NDUFAF4: variants seen among roughly 807,000 people sequenced by gnomAD.
The protein encoded by NDUFAF4 is NADH dehydrogenase [ubiquinone] 1 alpha subcomplex assembly factor 4.
NDUFAF4 carries 10 observed loss-of-function variants against 15.6 expected under a neutral mutation model. The ratio of observed to expected loss-of-function variants is 0.64; its 90% confidence interval spans 0.40 to 1.09. NDUFAF4 has a LOEUF of 1.09. Ranked by LOEUF, NDUFAF4 falls within the 50% of genes least tolerant of loss-of-function variation. The pLI is 0.01. For synonymous variants in NDUFAF4, 77 were observed against 73.3 expected (o/e 1.05, Z -0.26); for missense variants, 203 against 207.3 (o/e 0.98, Z 0.13).
intron 1 of NDUFAF4, among the ~76,000 whole-genome samples, chr6:96,897,339 C>T (rs1359446318): frequency 6.6e-6 from 1 of 152,190 alleles, no homozygotes; most frequent in Non-Finnish European, 1.5e-5. Context: ...CAGTGAAGAC[C>T]CCTAGAGAAA....
intron 2 of NDUFAF4, among the ~76,000 whole-genome samples, 169 bp downstream of exon 2, chr6:96,896,575 T>G (rs894015017): frequency 2.6e-5 from 4 of 152,238 alleles, no homozygotes; most frequent in Non-Finnish European, 4.4e-5. Flanking sequence ...AACCAAGGCA[T>G]AAGTGTCTTG....
chr6:96,897,838 C>G lies in NDUFAF4; in HGVS notation c.-37G>C, dbSNP rs1444662916. 6.2e-7 allele frequency: 1 copy of G among 1,613,422 alleles called. No individual in the cohort carries two copies. The highest frequency in any genetic ancestry group is 1.1e-5 in the South Asian group (1 of 91,048). ...ATTATGCGCTCAGGTTCAGGCCGCA[C>G]GTGGGAACACCGGCGCAGGACAACT... is the stretch of plus-strand genomic sequence containing the variant. On this transcript the variant is annotated 5_prime_UTR_variant, in exon 1 of 3. Transcript: ENST00000316149.
Position 96,896,815 on chromosome 6 carries a change from T to C in NDUFAF4, c.169A>G (p.Lys57Glu), listed in dbSNP as rs1283642832. 1.2e-6 allele frequency: 2 copies of C among 1,613,934 alleles called. No individual in the cohort carries two copies. The highest frequency in any genetic ancestry group is 2.2e-5 in the East Asian group (1 of 44,880). The change falls in exon 2 of 3, where the codon AAA becomes GAA. Residue 57 changes from lysine to glutamate, a missense_variant. Lys to Glu is a moderately conservative substitution (Grantham distance 56). Coordinates refer to ENST00000316149, the MANE Select transcript of NDUFAF4 (RefSeq NM_014165.4). ...YPEVKGEIAR[K>E]DEKLLSFLKD... ...AGAAACGACAGCAGCTTTTCATCTT[T>C]ACGAGCAATCTCTCCTTTAACTTCT...
intron 1 of NDUFAF4, 107 bp downstream of exon 1, chr6:96,897,559 C>T: frequency 1.3e-6 from 2 of 1,500,034 alleles, no homozygotes; most frequent in Non-Finnish European, 1.8e-6. Flanking sequence ...CGGCTGCGGC[C>T]GAGCAGGCTG....
In NDUFAF4 at chr6:96,891,199, C is replaced by G; in HGVS notation, c.433G>C (p.Glu145Gln). Residue 145 changes from glutamate to glutamine, a missense_variant, in exon 3 of 3, where the codon GAA becomes CAA. By Grantham distance (29) the Glu-to-Gln change is conservative. Transcript: ENST00000316149. Reference sequence around the variant, plus strand: ...AGAAGAGAATTCACATCTTTCTGTTCTAACTGGTATTCCTGCATTATTTTC... The same window carrying G: ...AGAAGAGAATTCACATCTTTCTGTTGTAACTGGTATTCCTGCATTATTTTC... ...AEKIMQEYQL[E>Q]QKDVNSLLKY... is the part of the protein sequence containing the mutation. The G allele has an allele frequency of 6.2e-7, 1 of 1,613,004 alleles. No individual in the cohort carries two copies. The highest frequency in any genetic ancestry group is 8.5e-7 in the Non-Finnish European group (1 of 1,179,220).
rs764771728 is a variant in NDUFAF4, at chr6:96,897,815, T to C, written c.-14A>G. 4 of 1,613,928 alleles carry C rather than the reference T, an allele frequency of 2.5e-6. No homozygotes were observed. Among genetic ancestry groups the C allele is most frequent in the East Asian group, 4.5e-5 (2 of 44,836 alleles). On this transcript the variant is annotated 5_prime_UTR_variant, in exon 1 of 3. It adds an upstream start codon to the 5' untranslated region. Transcript: ENST00000316149. ...TAGTGCTCCCATCTCCTCATAACATTATGCGCTCAGGTTCAGGCCGCACGT... is the reference window on the plus strand; with the variant it reads ...TAGTGCTCCCATCTCCTCATAACATCATGCGCTCAGGTTCAGGCCGCACGT...
intron 2 of NDUFAF4, among the ~76,000 whole-genome samples, chr6:96,892,772 C>G: frequency 6.6e-6 from 1 of 152,012 alleles, no homozygotes; most frequent in Non-Finnish European, 1.5e-5. Context: ...TTTTGCTTAC[C>G]CTTAAATGTC....
In NDUFAF4 at chr6:96,896,867, C is replaced by A. The variant is rs1775382702; in HGVS notation, c.137-20G>T. The A allele has an allele frequency of 6.4e-7, 1 of 1,560,604 alleles. No individual in the cohort carries two copies. The stretch of plus-strand genomic sequence containing the variant: ...GATAGACTAAGGAAAGGAAAAAAGT[C>A]ACAATATTAAAATCAAGGAAAATTT... On this transcript the variant is annotated intron_variant, in intron 1 of 2. Coordinates refer to ENST00000316149, the MANE Select transcript of NDUFAF4 (RefSeq NM_014165.4).
intron 1 of NDUFAF4, 142 bp downstream of exon 1, chr6:96,897,524 C>G (rs1031626953): frequency 3.2e-6 from 4 of 1,268,684 alleles, no homozygotes; most frequent in Non-Finnish European, 4.4e-6. Context: ...GGCGGCTCCC[C>G]CTTCCAACGC....
chr6:96,890,880 A>T lies in NDUFAF4; in HGVS notation c.*224T>A. 2.1e-6 allele frequency: 1 copy of T among 486,578 alleles called. No individual in the cohort carries two copies. Among genetic ancestry groups the T allele is most frequent in the Non-Finnish European group, 3.7e-6 (1 of 270,690 alleles). The allele number at this position is 486,578 out of a possible 1,614,324, so 30.1% of individuals were successfully genotyped here. A position where few individuals can be genotyped will look rare whatever the true frequency, so the allele number is the denominator to read the frequency against. On this transcript the variant is annotated 3_prime_UTR_variant, in exon 3 of 3. Coordinates refer to ENST00000316149, the MANE Select transcript of NDUFAF4 (RefSeq NM_014165.4). ...AATAAAGGTACAGATGTGCTCAGTCATGCTGACATGCACTTATGAAATATG... is the reference window on the plus strand; with the variant it reads ...AATAAAGGTACAGATGTGCTCAGTCTTGCTGACATGCACTTATGAAATATG...
At chr6:96,895,143 C>T (rs1046359414) in intron 2 of NDUFAF4, among the ~76,000 whole-genome samples, 3 of 152,148 alleles carry the variant, frequency 2.0e-5, no homozygotes, top group African/African-American at 7.2e-5. Context: ...AGAGGTTCAA[C>T]TGATCTATTC....
At chr6:96,897,285 T>C (rs1486786193) in intron 1 of NDUFAF4, among the ~76,000 whole-genome samples, 2 of 152,202 alleles carry the variant, frequency 1.3e-5, no homozygotes, top group African/African-American at 4.8e-5. Context: ...GAAAATACTT[T>C]AGATGGAAAT....
In NDUFAF4 at chr6:96,891,301, T is replaced by C. The variant is rs11557509; in HGVS notation, c.331A>G (p.Lys111Glu). 1 of 1,613,816 alleles carries C rather than the reference T, an allele frequency of 6.2e-7. No individual in the cohort carries two copies. The highest frequency in any genetic ancestry group is 8.5e-7 in the Non-Finnish European group (1 of 1,179,862). ...FDMINIKSIP[K>E]GKISIVEALT... ...GCTTCTACAATGGAAATTTTGCCTT[T>C]GGGAATGCTCTTAATATTTATCATA... Residue 111 changes from lysine (K) to glutamate (E), a missense_variant, in exon 3 of 3, where the codon AAA becomes GAA. By Grantham distance (56) the Lys-to-Glu change is moderately conservative (BLOSUM62 1). Transcript: ENST00000316149.
At chr6:96,895,279 C>T (rs1775358023) in intron 2 of NDUFAF4, among the ~76,000 whole-genome samples, 1 of 151,984 alleles carries the variant, frequency 6.6e-6, no homozygotes, top group Non-Finnish European at 1.5e-5. Flanking sequence ...TCCTTTACCA[C>T]AAAAGGCAAA....
At chr6:96,892,303 C>T (rs1775326269) in intron 2 of NDUFAF4, among the ~76,000 whole-genome samples, 1 of 152,220 alleles carries the variant, frequency 6.6e-6, no homozygotes, top group Admixed American at 6.5e-5. Flanking sequence ...ATCCTTCCAT[C>T]TATCTGTCCC....
rs755717389 is a variant in NDUFAF4, at chr6:96,897,647, ACGCCCT to A, written c.136+13_136+18del. ...GGACTCCGCGCCCCCGGGCCCCGAAACGCCCTCGCACCACTCACGACTAATCTGCTC... is the reference window on the plus strand; with the variant it reads ...GGACTCCGCGCCCCCGGGCCCCGAAACGCACCACTCACGACTAATCTGCTC... On this transcript the variant is annotated intron_variant, in intron 1 of 2. Coordinates refer to ENST00000316149, the MANE Select transcript of NDUFAF4 (RefSeq NM_014165.4). 6.2e-7 allele frequency: 1 copy of A among 1,613,052 alleles called. No individual in the cohort carries two copies. The highest frequency in any genetic ancestry group is 2.2e-5 in the East Asian group (1 of 44,848).
At position 96,897,629 on chromosome 6, in the gene NDUFAF4, G is replaced by C. The variant is rs201495784; in HGVS notation, c.136+37C>G. 22 of 1,611,706 alleles carry C rather than the reference G, an allele frequency of 1.4e-5. No individual in the cohort carries two copies. In the African/African-American group the frequency reaches 2.8e-4, roughly 21 times the overall value. On this transcript the variant is annotated intron_variant, in intron 1 of 2. Coordinates refer to ENST00000316149, the MANE Select transcript of NDUFAF4 (RefSeq NM_014165.4). ...GACAGCCGGGCAGCACAGGGACTCC[G>C]CGCCCCCGGGCCCCGAAACGCCCTC...
intron 2 of NDUFAF4, among the ~76,000 whole-genome samples, chr6:96,894,949 C>T (rs1298136578): frequency 7.1e-6 from 1 of 141,830 alleles, no homozygotes; most frequent in Non-Finnish European, 1.6e-5. Context: ...TAAGAAATAT[C>T]AACACACATT....
intron 2 of NDUFAF4, among the ~76,000 whole-genome samples, chr6:96,892,152 T>G (rs934913439): frequency 6.6e-6 from 1 of 152,218 alleles, no homozygotes; most frequent in Non-Finnish European, 1.5e-5. Flanking sequence ...ACATCTATTC[T>G]GTTTCCCAGC....
Sources: allele counts gnomAD v4.1 joint callset (sites outside exome capture counted in the v4.1 genomes callset), GRCh38; gene constraint gnomAD v4.1.1; transcripts MANE v1.5; gene names NCBI Gene and HGNC (gene_info 2026-07-23, HGNC 2026-07-21).